The following KLRG1 variants were observed in gnomAD, a reference collection of about 807,000 sequenced individuals.
The protein encoded by KLRG1 is killer cell lectin like receptor G1, also known as killer cell lectin-like receptor subfamily G member 1.
In KLRG1, 16 loss-of-function variants were observed where a neutral mutation model predicts 21.8. That is an observed-to-expected ratio of 0.73 (90% CI 0.50 to 1.11). The LOEUF is 1.11. Among genes scored for constraint, KLRG1 ranks in the 50% most tolerant of loss-of-function variants. The pLI, the probability that KLRG1 is intolerant of heterozygous loss-of-function variation, is 0.00. For missense variants in KLRG1, 173 were observed against 218.3 expected, an observed-to-expected ratio of 0.79 and a Z score of 1.31; for synonymous variants, 69 against 75.9, an observed-to-expected ratio of 0.91 and a Z score of 0.47.
chr12:9,045,106 T>A, the KLRG1 span, among the ~76,000 whole-genome samples: 1 of 152,086 alleles, frequency 6.6e-6, no homozygotes, highest in East Asian at 1.9e-4. Context: ...TATAAAGAGC[T>A]TGGAAGTCAC....
chr12:9,060,227 T>A, the KLRG1 span, among the ~76,000 whole-genome samples: 23 of 133,992 alleles, frequency 1.7e-4, no homozygotes, highest in African/African-American at 5.4e-4. Context: ...CTTCATTGTG[T>A]TAGCCAGGAT....
At chr12:9,138,529 G>T in the KLRG1 span, among the ~76,000 whole-genome samples, 1 of 151,862 alleles carries the variant, frequency 6.6e-6, no homozygotes, top group Admixed American at 6.6e-5. Flanking sequence ...TATAAAATGA[G>T]TTTGGAAGTG....
chr12:9,121,621 T>C, the KLRG1 span, among the ~76,000 whole-genome samples: 1 of 152,214 alleles, frequency 6.6e-6, no homozygotes, highest in African/African-American at 2.4e-5. This position sits in a 1 kb window ranked among gnomAD's most constrained non-coding sequence, Gnocchi z 4.4. Flanking sequence ...CTTGGTCCTT[T>C]AGGTTTCTAA....
At chr12:9,203,481 A>G in the KLRG1 span, among the ~76,000 whole-genome samples, 2 of 151,596 alleles carry the variant, frequency 1.3e-5, no homozygotes, top group South Asian at 2.1e-4. Flanking sequence ...AGCTGGGACT[A>G]CGGGCGCCTG....
intron 1 of KLRG1, among the ~76,000 whole-genome samples, chr12:8,972,114 C>T (rs1946578796): frequency 3.9e-5 from 6 of 152,112 alleles, no homozygotes. Context: ...CCTCTGTTTT[C>T]CTAGAGTAGT....
rs1439974648 is a variant in KLRG1 at position 8,989,614 on chromosome 12, A to G, written c.-22A>G. The G allele has an allele frequency of 1.3e-6, 2 of 1,504,896 alleles. No individual in the cohort carries two copies. Among genetic ancestry groups the G allele is most frequent in the Admixed American group, 1.7e-5 (1 of 58,410 alleles). The allele number at this position is 1,504,896 out of a possible 1,614,324, so 93.2% of individuals were successfully genotyped here. On this transcript the variant is annotated 5_prime_UTR_variant, in exon 1 of 5. The change abolishes an upstream ATG in the 5' untranslated region. Transcript: ENST00000356986. ...TCTATAATTTAACTCTCTCAACTGC[A>G]TGTGAAAGATCTTAGCTGAAGATGA...
the KLRG1 span, among the ~76,000 whole-genome samples, chr12:9,051,966 C>T: frequency 1.3e-5 from 2 of 152,212 alleles, no homozygotes; most frequent in African/African-American, 4.8e-5. Context: ...AAATACAGCA[C>T]TATGCACGAA....
At chr12:9,171,774 G>C in the KLRG1 span, among the ~76,000 whole-genome samples, 197 of 152,136 alleles carry the variant, frequency 1.3e-3, 1 homozygote, top group African/African-American at 4.6e-3. Flanking sequence ...AAATAAGACA[G>C]GCAGACTAGA....
At chr12:9,203,990 G>A in the KLRG1 span, 2 of 1,526,312 alleles carry the variant, frequency 1.3e-6, no homozygotes, top group Non-Finnish European at 1.8e-6. Context: ...AAAAACTGAT[G>A]ATAGTAAGCG....
the KLRG1 span, among the ~76,000 whole-genome samples, chr12:9,033,071 AGAG>A: frequency 6.6e-6 from 1 of 152,236 alleles, no homozygotes; most frequent in African/African-American, 2.4e-5. Context: ...TTGCCTGTGC[AGAG>A]GGCAGGAAGA....
chr12:8,961,465 T>TG (rs1946379894), intron 1 of KLRG1, among the ~76,000 whole-genome samples: 1 of 152,136 alleles, frequency 6.6e-6, no homozygotes, highest in African/African-American at 2.4e-5. Context: ...CAGACTGGAG[T>TG]GCAATGGTGC....
the KLRG1 span, among the ~76,000 whole-genome samples, chr12:9,204,147 C>T: frequency 6.6e-6 from 1 of 152,284 alleles, no homozygotes; most frequent in African/African-American, 2.4e-5. Context: ...ATGCCTCAGC[C>T]ACACAATCTG....
chr12:9,107,383 A>AT, the KLRG1 span: 99 of 1,053,458 alleles, frequency 9.4e-5, no homozygotes, highest in African/African-American at 1.4e-4. Flanking sequence ...TAAGTTCATG[A>AT]TTTTTTTTGA....
the KLRG1 span, among the ~76,000 whole-genome samples, chr12:9,131,133 A>G: frequency 6.6e-6 from 1 of 152,112 alleles, no homozygotes; most frequent in Non-Finnish European, 1.5e-5. Flanking sequence ...TTCTATTACG[A>G]TGGTTTATTT....
At chr12:9,101,486 G>A in the KLRG1 span, 1 of 1,613,762 alleles carries the variant, frequency 6.2e-7, no homozygotes, top group Non-Finnish European at 8.5e-7. Flanking sequence ...CCAGCAGGGT[G>A]CCTCCATTCA....
chr12:9,151,852 C>T, the KLRG1 span, among the ~76,000 whole-genome samples: 1 of 152,236 alleles, frequency 6.6e-6, no homozygotes, highest in Non-Finnish European at 1.5e-5. Flanking sequence ...GAGCCTCTGG[C>T]ATCTTTGATA....
At chr12:9,098,541 T>C in the KLRG1 span, 1 of 1,521,248 alleles carries the variant, frequency 6.6e-7, no homozygotes. Flanking sequence ...ACTTATCCAG[T>C]CATTTTTCCT....
chr12:9,106,449 A>G, the KLRG1 span: 1 of 1,450,108 alleles, frequency 6.9e-7, no homozygotes. Context: ...AAGAAAATCA[A>G]TGCCTGTTGT....
At chr12:9,095,387 G>A in the KLRG1 span, among the ~76,000 whole-genome samples, 25 of 152,146 alleles carry the variant, frequency 1.6e-4, no homozygotes, top group East Asian at 4.6e-3. Flanking sequence ...GCAGCTTTTC[G>A]CAGATCTGCT....
Sources: gnomAD v4.1 joint callset for allele counts (sites outside exome capture counted in the v4.1 genomes callset) on GRCh38, gnomAD v4.1.1 for gene constraint, Gnocchi (gnomAD v3.1) non-coding constraint, MANE v1.5 for transcripts, NCBI Gene and HGNC (gene_info 2026-07-23, HGNC 2026-07-21) for gene names.